Variants in KCNH8 observed in about 807,000 individuals in gnomAD.
KCNH8 encodes potassium voltage-gated channel subfamily H member 8.
A neutral mutation model predicts 103.6 loss-of-function variants in KCNH8; 70 were observed. The observed-to-expected ratio is 0.68, with a 90% CI of 0.56 to 0.82. The LOEUF is 0.82. Among genes scored for constraint, KCNH8 ranks in the 40% least tolerant of loss-of-function variants. KCNH8 has a pLI of 0.00. For synonymous variants in KCNH8, 498 were observed against 489.4 expected, an observed-to-expected ratio of 1.02 and a Z score of -0.23; for missense variants, 1,217 against 1,329.9, an observed-to-expected ratio of 0.92 and a Z score of 1.32.
At chr3:19,160,317 T>C (rs1442305401) in intron 1 of KCNH8, among the ~76,000 whole-genome samples, 1 of 152,172 alleles carries the variant, frequency 6.6e-6, no homozygotes, top group Non-Finnish European at 1.5e-5. Flanking sequence ...TCCAAATGAA[T>C]TTCATTTATT....
intron 11 of KCNH8, among the ~76,000 whole-genome samples, chr3:19,490,858 G>A (rs1158402955): frequency 6.6e-6 from 1 of 152,126 alleles, no homozygotes; most frequent in Non-Finnish European, 1.5e-5. Flanking sequence ...AGCTATAAGA[G>A]ACTCACTGTA....
intron 1 of KCNH8, among the ~76,000 whole-genome samples, chr3:19,207,128 G>T (rs1467778906): frequency 6.6e-6 from 1 of 151,756 alleles, no homozygotes; most frequent in Non-Finnish European, 1.5e-5. Context: ...AAAACAAGTG[G>T]GCCGGCAATT....
chr3:19,405,795 T>C (rs544239615), intron 7 of KCNH8, among the ~76,000 whole-genome samples: 5 of 152,136 alleles, frequency 3.3e-5, no homozygotes, highest in African/African-American at 9.6e-5. Context: ...TTGTCTCAAT[T>C]ATTTCTCTCA....
intron 11 of KCNH8, among the ~76,000 whole-genome samples, chr3:19,477,476 A>C (rs2068001245): frequency 6.6e-6 from 1 of 150,462 alleles, no homozygotes; most frequent in Admixed American, 6.6e-5. Context: ...GTGGAAGGGG[A>C]CCCTGAAGTT....
At chr3:19,359,642 A>G (rs1392306384) in intron 5 of KCNH8, among the ~76,000 whole-genome samples, 1 of 152,046 alleles carries the variant, frequency 6.6e-6, no homozygotes, top group African/African-American at 2.4e-5. Flanking sequence ...ACTAAATGCC[A>G]GTAGCACCCA....
chr3:19,514,563 A>C (rs1001804400), intron 13 of KCNH8, among the ~76,000 whole-genome samples: 1 of 151,820 alleles, frequency 6.6e-6, no homozygotes, highest in African/African-American at 2.4e-5. Flanking sequence ...AGTAGATTAC[A>C]GGTGATTTTT....
chr3:19,187,733 A>G (rs1343544355), intron 1 of KCNH8, among the ~76,000 whole-genome samples: 1 of 152,138 alleles, frequency 6.6e-6, no homozygotes, highest in Admixed American at 6.6e-5. Flanking sequence ...TAAGTTAACT[A>G]TATAAATATG....
chr3:19,285,293 A>C (rs1191141595), intron 3 of KCNH8, among the ~76,000 whole-genome samples: 2 of 152,168 alleles, frequency 1.3e-5, no homozygotes, highest in Non-Finnish European at 2.9e-5. Context: ...TGGAGATGTC[A>C]AAATGGAGAC....
At chr3:19,193,758 C>G (rs995695490) in intron 1 of KCNH8, among the ~76,000 whole-genome samples, 1 of 151,700 alleles carries the variant, frequency 6.6e-6, no homozygotes, top group Non-Finnish European at 1.5e-5. Context: ...CTCCTCAAAG[C>G]AAGCATTGTT....
intron 3 of KCNH8, among the ~76,000 whole-genome samples, chr3:19,306,028 T>A (rs572721773): frequency 6.6e-6 from 1 of 152,248 alleles, no homozygotes; most frequent in South Asian, 2.1e-4. Flanking sequence ...GACAAAACTC[T>A]TGAAAAGTTT....
chr3:19,339,748 G>T (rs983611878), intron 3 of KCNH8, among the ~76,000 whole-genome samples: 10 of 151,932 alleles, frequency 6.6e-5, no homozygotes, highest in African/African-American at 2.4e-4. Context: ...AGACTTTTGC[G>T]GTGAATTAAA....
intron 7 of KCNH8, among the ~76,000 whole-genome samples, chr3:19,397,589 G>T (rs2066543002): frequency 6.7e-6 from 1 of 150,142 alleles, no homozygotes; most frequent in Non-Finnish European, 1.5e-5. Flanking sequence ...CTTATTATGG[G>T]TCAGTGTCCA....
intron 7 of KCNH8, among the ~76,000 whole-genome samples, chr3:19,425,177 AT>A (rs1181236403): frequency 2.0e-5 from 3 of 152,102 alleles, no homozygotes; most frequent in Admixed American, 6.6e-5. Flanking sequence ...ATTCACATGA[AT>A]TTTTCTCCAT....
chr3:19,230,833 G>A (rs1190286729), intron 1 of KCNH8, among the ~76,000 whole-genome samples: 3 of 152,178 alleles, frequency 2.0e-5, no homozygotes, highest in Non-Finnish European at 4.4e-5. Flanking sequence ...TTGGCACAAT[G>A]CTTTCGTTCT....
chr3:19,257,372 A>G (rs1053742894), intron 2 of KCNH8, among the ~76,000 whole-genome samples: 1 of 152,062 alleles, frequency 6.6e-6, no homozygotes, highest in South Asian at 2.1e-4. Flanking sequence ...GTGGGAGATC[A>G]TCTCTGGTTT....
At chr3:19,326,679 CACTACCCTCCTGCTATGCCT>C (rs1298067274) in intron 3 of KCNH8, among the ~76,000 whole-genome samples, 1 of 152,098 alleles carries the variant, frequency 6.6e-6, no homozygotes, top group Non-Finnish European at 1.5e-5. Context: ...ACTAAGGTGG[CACTACCCTCCTGCTATGCCT>C]GTATTTTCCT....
At chr3:19,284,936 G>C (rs2125276905) in intron 3 of KCNH8, among the ~76,000 whole-genome samples, 1 of 151,362 alleles carries the variant, frequency 6.6e-6, no homozygotes, top group East Asian at 1.9e-4. Flanking sequence ...AAAAAGAAAG[G>C]AAGGGAATGT....
chr3:19,495,296 C>T (rs1264106639), intron 11 of KCNH8, among the ~76,000 whole-genome samples: 2 of 152,074 alleles, frequency 1.3e-5, no homozygotes, highest in Non-Finnish European at 2.9e-5. Context: ...ATGGTATTGC[C>T]TAGGTTGTCT....
intron 5 of KCNH8, among the ~76,000 whole-genome samples, chr3:19,375,966 C>T (rs1052982236): frequency 6.6e-6 from 1 of 152,168 alleles, no homozygotes; most frequent in African/African-American, 2.4e-5. Context: ...TCTCAGATCT[C>T]CAGCTGTGTG....
Sources: allele counts gnomAD v4.1 joint callset (sites outside exome capture counted in the v4.1 genomes callset), GRCh38; gene constraint gnomAD v4.1.1; transcripts MANE v1.5; gene names NCBI Gene and HGNC (gene_info 2026-07-23, HGNC 2026-07-21).